IRF2BP2: variants seen among roughly 807,000 people sequenced by gnomAD.
IRF2BP2 encodes interferon regulatory factor 2 binding protein 2, also known as interferon regulatory factor 2-binding protein 2.
Under a neutral mutation model 32.7 loss-of-function variants are expected in IRF2BP2, and 13 were observed. The ratio of observed to expected loss-of-function variants is 0.40; its 90% CI spans 0.26 to 0.63. The LOEUF is 0.63. Ranked by LOEUF, IRF2BP2 falls within the 30% of genes least tolerant of loss-of-function variation. The pLI is 0.42. For synonymous variants in IRF2BP2, 555 were observed against 384.6 expected, an observed-to-expected ratio of 1.44 and a Z score of -5.18; for missense variants, 980 against 830.6, an observed-to-expected ratio of 1.18 and a Z score of -2.21.
rs953868844 is a variant in IRF2BP2 at position 234,604,302 on chromosome 1, T to C, written c.*2835A>G. On this transcript the variant is annotated 3_prime_UTR_variant, in exon 2 of 2. Coordinates refer to ENST00000366609, the MANE Select transcript of IRF2BP2 (RefSeq NM_182972.3). The stretch of plus-strand genomic sequence containing the variant: ...TCCCAATTTTATTTTTATTTAATGC[T>C]AAAAGTTAAAGAAAAAAAGGTACTG... 7.9e-5 allele frequency: 12 copies of C among 152,156 alleles called. No individual in the cohort carries two copies. Among genetic ancestry groups the C allele is most frequent in the African/African-American group, 2.9e-4 (12 of 41,420 alleles). The allele number at this position is 152,156 out of a possible 1,614,324, so 9.4% of individuals were successfully genotyped here.
Position 234,608,465 on chromosome 1 carries a change from C to A in IRF2BP2, c.1030G>T (p.Ala344Ser). The A allele has an allele frequency of 1.3e-6, 2 of 1,589,018 alleles. No individual in the cohort carries two copies. The highest frequency in any genetic ancestry group is 2.3e-5 in the South Asian group (2 of 87,282). The change falls in exon 1 of 2, where the codon GCC (alanine) becomes TCC (serine). Residue 344 changes from alanine to serine, a missense_variant. By Grantham distance (99) the Ala-to-Ser change is moderately conservative. Transcript: ENST00000366609. ...CCCCTACCTGCTTTAGACCCGTTGG[C>A]CCCGTTGGCCTCGAAACCCAACAAC... is the stretch of plus-strand genomic sequence containing the variant. Reference protein sequence around the residue: ...GRLLGFEANGANGSKAVARTA... With the variant: ...GRLLGFEANGSNGSKAVARTA...
intron 1 of IRF2BP2, chr1:234,608,238 G>GTTTT (rs1672221030): frequency 1.9e-6 from 1 of 539,444 alleles, no homozygotes; most frequent in South Asian, 2.8e-5. Flanking sequence ...GTGTCAGAGC[G>GTTTT]TATCAGCCCA....
rs1015620609 is a variant in IRF2BP2 at position 234,609,723 on chromosome 1, C to T, written c.-229G>A. Reference sequence around the variant, plus strand: ...GGGGCGGCGGGCGCGAGGTGAGGGGCTGCAGCCGCGGCAGCAGTTCCCCCC... The same window carrying T: ...GGGGCGGCGGGCGCGAGGTGAGGGGTTGCAGCCGCGGCAGCAGTTCCCCCC... On this transcript the variant is annotated 5_prime_UTR_variant, in exon 1 of 2. Transcript: ENST00000366609. Among the ~76,000 whole-genome samples the T allele has an allele frequency of 4.9e-5, 7 of 143,888 alleles. No homozygotes were observed. The highest frequency in any genetic ancestry group is 1.7e-4 in the African/African-American group (7 of 40,176). The allele number at this position is 143,888 out of a possible 152,430, so 94.4% of individuals were successfully genotyped here. A position where few individuals can be genotyped will look rare whatever the true frequency, so the allele number is the denominator to read the frequency against.
rs561807088 is a variant in IRF2BP2, at chr1:234,607,091, A to C, written c.*46T>G. Reference sequence around the variant, plus strand: ...ATGGAGATATATATACAATTCAAGCAGTTTTAATTAAGGGTAATCATTGGG... The same window carrying C: ...ATGGAGATATATATACAATTCAAGCCGTTTTAATTAAGGGTAATCATTGGG... On this transcript the variant is annotated 3_prime_UTR_variant, in exon 2 of 2. Transcript: ENST00000366609. 34 of 1,311,438 alleles carry C rather than the reference A, an allele frequency of 2.6e-5. No individual in the cohort carries two copies. In the Admixed American group the frequency reaches 3.4e-4, roughly 13 times the overall value. The allele number at this position is 1,311,438 out of a possible 1,614,324, so 81.2% of individuals were successfully genotyped here.
In IRF2BP2 at chr1:234,604,794, A is replaced by G. The variant is rs907891550; in HGVS notation, c.*2343T>C. 1 of 152,218 alleles carries G rather than the reference A, an allele frequency of 6.6e-6. No homozygotes were observed. The highest frequency in any genetic ancestry group is 1.5e-5 in the Non-Finnish European group (1 of 68,036). The allele number at this position is 152,218 out of a possible 1,614,324, so 9.4% of individuals were successfully genotyped here. A position where few individuals can be genotyped will look rare whatever the true frequency, so the allele number is the denominator to read the frequency against. On this transcript the variant is annotated 3_prime_UTR_variant, in exon 2 of 2. Coordinates refer to ENST00000366609, the MANE Select transcript of IRF2BP2 (RefSeq NM_182972.3). ...GCACTGTCATCAGGTACAACAAAAG[A>G]TCAAACCCATGTCCCGATGTTAACT...
chr1:234,609,929 CGGGGGGGCA>C lies in IRF2BP2; in HGVS notation c.-444_-436del, dbSNP rs1466673677. ...AGTGCGGGGCGGGGGGCGGGGAGGC[CGGGGGGGCA>C]GGGGGCGGGGGGCGGCCGCCGGGGC... On this transcript the variant is annotated 5_prime_UTR_variant, in exon 1 of 2. Coordinates refer to ENST00000366609, the MANE Select transcript of IRF2BP2 (RefSeq NM_182972.3). Among the ~76,000 whole-genome samples the C allele has an allele frequency of 6.8e-4, 9 of 13,148 alleles. No individual in the cohort carries two copies. Among genetic ancestry groups the C allele is most frequent in the African/African-American group, 2.5e-3 (9 of 3,670 alleles). 8.6% of individuals were successfully genotyped at this position (13,148 alleles called of 152,430 possible).
rs748373429 is a variant in IRF2BP2 at position 234,607,481 on chromosome 1, C to T, written c.1420G>A (p.Val474Met). The T allele has an allele frequency of 2.0e-5, 32 of 1,614,018 alleles. No individual in the cohort carries two copies. Among genetic ancestry groups the T allele is most frequent in the Non-Finnish European group, 2.6e-5 (31 of 1,179,952 alleles). ...MNQRRLGPRE[V>M]GGQGAGNTGG... ...GTGTTGCCTGCTCCCTGGCCCCCCA[C>T]CTCTCTGGGGCCCAGCCTTCTTTGG... The change falls in exon 2 of 2, where the codon GTG (valine) becomes ATG (methionine). Residue 474 changes from valine to methionine, a missense_variant. By Grantham distance (21) the Val-to-Met change is conservative (BLOSUM62 1). Coordinates refer to ENST00000366609, the MANE Select transcript of IRF2BP2 (RefSeq NM_182972.3).
In IRF2BP2 at chr1:234,605,640, A is replaced by T. The variant is rs552666537; in HGVS notation, c.*1497T>A. 5.6e-4 allele frequency: 85 copies of T among 152,386 alleles called. No homozygotes were observed. The highest frequency in any genetic ancestry group is 5.5e-3 in the Admixed American group (84 of 15,312). 9.4% of individuals were successfully genotyped at this position (152,386 alleles called of 1,614,324 possible). A position where few individuals can be genotyped will look rare whatever the true frequency, so the allele number is the denominator to read the frequency against. ...CATAAATTGTAGACCTTGAAGCCATAATTCAGCCTAATTATAAGGCCAAGT... is the reference window on the plus strand; with the variant it reads ...CATAAATTGTAGACCTTGAAGCCATTATTCAGCCTAATTATAAGGCCAAGT... On this transcript the variant is annotated 3_prime_UTR_variant, in exon 2 of 2. Transcript: ENST00000366609.
At position 234,606,931 on chromosome 1, in the gene IRF2BP2, G is replaced by C. The variant is rs1009024745; in HGVS notation, c.*206C>G. ...AGATATGCTAATAACGTTAACAAAA[G>C]AAAAAAATGTCTTTATAAGTACATA... is the stretch of plus-strand genomic sequence containing the variant. On this transcript the variant is annotated 3_prime_UTR_variant, in exon 2 of 2. Transcript: ENST00000366609. 2 of 469,314 alleles carry C rather than the reference G, an allele frequency of 4.3e-6. No homozygotes were observed. The highest frequency in any genetic ancestry group is 3.3e-5 in the East Asian group (1 of 30,002). 29.1% of individuals were successfully genotyped at this position (469,314 alleles called of 1,614,324 possible).
At chr1:234,608,134 C>A in intron 1 of IRF2BP2, 1 of 538,342 alleles carries the variant, frequency 1.9e-6, no homozygotes, top group Non-Finnish European at 3.3e-6. Flanking sequence ...CTCGTTTGCA[C>A]TCAACATGTG....
chr1:234,607,020 C>T lies in IRF2BP2; in HGVS notation c.*117G>A. The stretch of plus-strand genomic sequence containing the variant: ...TCAAAAAAAATCAAAATTATACAGC[C>T]ATGTTTATGAAGTCTACATTTCCCT... On this transcript the variant is annotated 3_prime_UTR_variant, in exon 2 of 2. Transcript: ENST00000366609. 2.6e-6 allele frequency: 2 copies of T among 775,742 alleles called. No individual in the cohort carries two copies. Among genetic ancestry groups the T allele is most frequent in the Non-Finnish European group, 4.1e-6 (2 of 484,462 alleles). The allele number at this position is 775,742 out of a possible 1,614,324, so 48.1% of individuals were successfully genotyped here.
Position 234,608,223 on chromosome 1 carries a change from A to G in IRF2BP2, c.1048+224T>C, listed in dbSNP as rs541048711. On this transcript the variant is annotated intron_variant, in intron 1 of 1. Transcript: ENST00000366609. Reference sequence around the variant, plus strand: ...TCCAAGAATGTGCTGGGAAAGGAAAACCCCGTGTCAGAGCGTATCAGCCCA... The same window carrying G: ...TCCAAGAATGTGCTGGGAAAGGAAAGCCCCGTGTCAGAGCGTATCAGCCCA... The G allele has an allele frequency of 8.0e-5, 42 of 522,594 alleles. No homozygotes were observed. In the South Asian group the frequency reaches 1.3e-3, roughly 16 times the overall value. 32.4% of individuals were successfully genotyped at this position (522,594 alleles called of 1,614,324 possible). A position where few individuals can be genotyped will look rare whatever the true frequency, so the allele number is the denominator to read the frequency against.
At position 234,607,600 on chromosome 1, in the gene IRF2BP2, T is replaced by C. The variant is rs371352845; in HGVS notation, c.1301A>G (p.Asn434Ser). 18 of 1,614,120 alleles carry C rather than the reference T, an allele frequency of 1.1e-5. No individual in the cohort carries two copies. The highest frequency in any genetic ancestry group is 1.0e-4 in the Admixed American group (6 of 60,008). ...PMAALILVAD[N>S]AGGSHASKDA... ...TTTTGAGGCATGACTGCCCCCTGCA[T>C]TGTCTGCTACTAAGATCAGGGCTGC... The change falls in exon 2 of 2, where the codon AAT (asparagine) becomes AGT (serine). Residue 434 changes from asparagine to serine, a missense_variant. Asn to Ser is a conservative substitution (Grantham distance 46, BLOSUM62 1). Transcript: ENST00000366609.
Position 234,607,398 on chromosome 1 carries a change from A to G in IRF2BP2, c.1503T>C (p.Ser501=). The change falls in exon 2 of 2, where the codon AGT becomes AGC. Residue 501 remains serine (S), a synonymous_variant. Coordinates refer to ENST00000366609, the MANE Select transcript of IRF2BP2 (RefSeq NM_182972.3). Reference sequence around the variant, plus strand: ...GGCAGAGGGTGCAGCACAGCGGGGCACTGGTTGCCAGAGAGGAGTCCGGGA... The same window carrying G: ...GGCAGAGGGTGCAGCACAGCGGGGCGCTGGTTGCCAGAGAGGAGTCCGGGA... ...ASLPDSSLAT[S]APLCCTLCHE... 1.2e-6 allele frequency: 2 copies of G among 1,614,112 alleles called. No individual in the cohort carries two copies. Among genetic ancestry groups the G allele is most frequent in the Non-Finnish European group, 1.7e-6 (2 of 1,179,952 alleles).
Position 234,605,827 on chromosome 1 carries a change from A to T in IRF2BP2, c.*1310T>A, listed in dbSNP as rs1002809822. 4 of 152,260 alleles carry T rather than the reference A, an allele frequency of 2.6e-5. No homozygotes were observed. 9.4% of individuals were successfully genotyped at this position (152,260 alleles called of 1,614,324 possible). A position where few individuals can be genotyped will look rare whatever the true frequency, so the allele number is the denominator to read the frequency against. ...TTTACTGATGCAAAATAGTGATCAA[A>T]AGAAATTAGTTTACAAAAAGACTTC... On this transcript the variant is annotated 3_prime_UTR_variant, in exon 2 of 2. Transcript: ENST00000366609.
chr1:234,609,044 G>GCGGCTGCGGCGT lies in IRF2BP2; in HGVS notation c.439_450dup (p.Thr147_Pro150dup). ...GGCACCAGGATGCCGTTCACGGGCG[G>GCGGCTGCGGCGT]CGGCTGCGGCGTCGGCGGCTGGGCC... is the stretch of plus-strand genomic sequence containing the variant. On this transcript the variant is annotated inframe_insertion, in exon 1 of 2. Coordinates refer to ENST00000366609, the MANE Select transcript of IRF2BP2 (RefSeq NM_182972.3). The GCGGCTGCGGCGT allele has an allele frequency of 1.5e-6, 2 of 1,297,034 alleles. No individual in the cohort carries two copies. The highest frequency in any genetic ancestry group is 2.0e-6 in the Non-Finnish European group (2 of 1,024,918). 80.3% of individuals were successfully genotyped at this position (1,297,034 alleles called of 1,614,324 possible).
chr1:234,607,149 C>T lies in IRF2BP2; in HGVS notation c.1752G>A (p.Glu584=). ...GAAACCGGAAAAGTCACGAGTCTCT[C>T]TCTTTTTTCACTTTCACATCTCCAG... ...ILAGDVKVKK[E]RDS is the part of the protein sequence containing the mutation. The change falls in exon 2 of 2, where the codon GAG becomes GAA. Residue 584 remains glutamate, a synonymous_variant. Transcript: ENST00000366609. 6.2e-7 allele frequency: 1 copy of T among 1,607,238 alleles called. No individual in the cohort carries two copies. The highest frequency in any genetic ancestry group is 8.5e-7 in the Non-Finnish European group (1 of 1,174,816).
chr1:234,609,615 C>CGGCGGCGGCGGCCGCAAA lies in IRF2BP2; in HGVS notation c.-139_-122dup, dbSNP rs1187967072. On this transcript the variant is annotated 5_prime_UTR_variant, in exon 1 of 2. Coordinates refer to ENST00000366609, the MANE Select transcript of IRF2BP2 (RefSeq NM_182972.3). ...CCCAACCCCGCGTCTCCCCCACCAG[C>CGGCGGCGGCGGCCGCAAA]GGCGGCGGCGGCCGCAAAGGCGGCG... is the stretch of plus-strand genomic sequence containing the variant. The CGGCGGCGGCGGCCGCAAA allele has an allele frequency of 7.1e-6, 3 of 422,452 alleles. No individual in the cohort carries two copies. Among genetic ancestry groups the CGGCGGCGGCGGCCGCAAA allele is most frequent in the African/African-American group, 2.1e-5 (1 of 46,630 alleles). 26.2% of individuals were successfully genotyped at this position (422,452 alleles called of 1,614,324 possible).
intron 1 of IRF2BP2, among the ~76,000 whole-genome samples, 177 bp downstream of exon 1, chr1:234,608,270 C>T (rs1423213342): frequency 6.6e-6 from 1 of 152,216 alleles, no homozygotes; most frequent in East Asian, 1.9e-4. Flanking sequence ...CTCTGTTATG[C>T]TGCTTCAGCA....
Sources: allele counts gnomAD v4.1 joint callset (sites outside exome capture counted in the v4.1 genomes callset), GRCh38; gene constraint gnomAD v4.1.1; transcripts MANE v1.5; gene names NCBI Gene and HGNC (gene_info 2026-07-23, HGNC 2026-07-21).